Variants in RASAL2 observed in about 807,000 individuals in gnomAD.
The protein encoded by RASAL2 is RAS protein activator like 2.
Under a neutral mutation model 128.9 loss-of-function variants are expected in RASAL2, and 58 were observed. That is an observed-to-expected ratio of 0.45 (90% CI 0.36 to 0.56). The LOEUF is 0.56. Among genes scored for constraint, RASAL2 ranks in the 20% least tolerant of loss-of-function variants. The pLI is 0.00. For missense variants in RASAL2, 1,360 were observed against 1,601.6 expected, an observed-to-expected ratio of 0.85 and a Z score of 2.57; for synonymous variants, 561 against 580.8, an observed-to-expected ratio of 0.97 and a Z score of 0.49.
chr1:178,413,591 G>C (rs74131343), intron 4 of RASAL2, among the ~76,000 whole-genome samples: 5,827 of 152,222 alleles, frequency 0.038, 364 homozygotes, highest in African/African-American at 0.13. Context: ...CAGCTAGCAA[G>C]AAAATAATTA....
At chr1:178,133,259 C>T (rs372885364) in intron 1 of RASAL2, among the ~76,000 whole-genome samples, 6 of 152,258 alleles carry the variant, frequency 3.9e-5, no homozygotes, top group South Asian at 4.1e-4. Context: ...TTTACTCTTA[C>T]GCATTTTGCT....
chr1:178,458,526 G>A lies in RASAL2; in HGVS notation c.3234G>A (p.Gln1078=), dbSNP rs1406242667. The A allele has an allele frequency of 6.2e-7, 1 of 1,611,222 alleles. No individual in the cohort carries two copies. Among genetic ancestry groups the A allele is most frequent in the Non-Finnish European group, 8.5e-7 (1 of 1,178,582 alleles). Residue 1078 remains glutamine (Q), a synonymous_variant, in exon 14 of 18, where the codon CAG becomes CAA. Transcript: ENST00000367649. ...ESPVPKVRAI[Q]RQQTQQVQSP... The stretch of plus-strand genomic sequence containing the variant: ...CTGTTCCCAAAGTTAGAGCAATCCA[G>A]AGACAACAGACACAGCAGGTAGGTG...
At chr1:178,384,064 AC>A (rs1371835584) in intron 3 of RASAL2, among the ~76,000 whole-genome samples, 1 of 152,206 alleles carries the variant, frequency 6.6e-6, no homozygotes, top group Non-Finnish European at 1.5e-5. Flanking sequence ...CTTGTTTCCT[AC>A]CTACAAATAT....
intron 1 of RASAL2, among the ~76,000 whole-genome samples, chr1:178,099,170 T>C (rs747892125): frequency 1.3e-5 from 2 of 152,220 alleles, no homozygotes; most frequent in Admixed American, 6.5e-5. Context: ...TCCCCAAACA[T>C]GTTCATGTTC....
chr1:178,198,190 T>A (rs956462068), intron 1 of RASAL2, among the ~76,000 whole-genome samples: 8 of 152,218 alleles, frequency 5.3e-5, no homozygotes, highest in Non-Finnish European at 8.8e-5. Context: ...AGTAGCATGA[T>A]TTATAATCCT....
At chr1:178,425,599 G>C (rs1165653903) in intron 5 of RASAL2, among the ~76,000 whole-genome samples, 1 of 151,058 alleles carries the variant, frequency 6.6e-6, no homozygotes, top group Non-Finnish European at 1.5e-5. Flanking sequence ...TTTCACTTCT[G>C]TCTGAAAGTG....
rs573624152 is a variant in RASAL2, at chr1:178,461,165, A to T, written c.3252+2621A>T. The stretch of plus-strand genomic sequence containing the variant: ...TGCTTGCTTTGTTCATCTCACTCCC[A>T]TGAAGCCTCTGAAGTTCTATATAAT... On this transcript the variant is annotated intron_variant, in intron 14 of 17. Coordinates refer to ENST00000367649, the MANE Select transcript of RASAL2 (RefSeq NM_170692.4). 7.2e-5 allele frequency among the ~76,000 whole-genome samples: 11 copies of T among 152,232 alleles called. No individual in the cohort carries two copies. In the South Asian group the frequency reaches 2.3e-3, roughly 32 times the overall value.
At chr1:178,275,395 G>T (rs1666454306) in intron 1 of RASAL2, among the ~76,000 whole-genome samples, 1 of 152,192 alleles carries the variant, frequency 6.6e-6, no homozygotes, top group South Asian at 2.1e-4. Flanking sequence ...AAAACTATAT[G>T]ATCTGCTTTG....
intron 1 of RASAL2, among the ~76,000 whole-genome samples, chr1:178,271,152 T>C (rs1220024304): frequency 6.6e-6 from 1 of 152,218 alleles, no homozygotes; most frequent in Non-Finnish European, 1.5e-5. Flanking sequence ...CTCTTCTCCA[T>C]TGAGAGCTAC....
At chr1:178,325,008 T>A (rs1421720591) in intron 3 of RASAL2, among the ~76,000 whole-genome samples, 3 of 152,230 alleles carry the variant, frequency 2.0e-5, no homozygotes, top group Non-Finnish European at 4.4e-5. Context: ...TTGTTCTGGT[T>A]ACTTTTATTT....
chr1:178,202,942 T>C (rs527376642), intron 1 of RASAL2, among the ~76,000 whole-genome samples: 2 of 152,182 alleles, frequency 1.3e-5, no homozygotes, highest in South Asian at 4.1e-4. Flanking sequence ...AAGGCTGACT[T>C]GGCCATGGCC....
chr1:178,329,954 C>T (rs1353870688), intron 3 of RASAL2, among the ~76,000 whole-genome samples: 2 of 152,060 alleles, frequency 1.3e-5, no homozygotes, highest in African/African-American at 4.8e-5. Context: ...CCAGTCCAAA[C>T]TGGGGTAAAA....
intron 1 of RASAL2, among the ~76,000 whole-genome samples, chr1:178,217,282 C>CTTTATT (rs1663453658): frequency 6.6e-6 from 1 of 152,112 alleles, no homozygotes; most frequent in African/African-American, 2.4e-5. Context: ...GCCAAGTAGA[C>CTTTATT]TTTATTTTTT....
chr1:178,306,510 A>C (rs1015091486), intron 3 of RASAL2, among the ~76,000 whole-genome samples: 6 of 152,252 alleles, frequency 3.9e-5, no homozygotes, highest in African/African-American at 1.2e-4. Context: ...TTACAGTCCC[A>C]CCAATAGTGT....
intron 1 of RASAL2, among the ~76,000 whole-genome samples, chr1:178,137,406 T>G (rs1660366525): frequency 6.6e-6 from 1 of 152,202 alleles, no homozygotes; most frequent in Non-Finnish European, 1.5e-5. Flanking sequence ...TTAAGGAAGT[T>G]GGGGATTGAG....
chr1:178,231,840 A>G (rs756585201), intron 1 of RASAL2, among the ~76,000 whole-genome samples: 17 of 152,134 alleles, frequency 1.1e-4, no homozygotes, highest in Non-Finnish European at 2.1e-4. Flanking sequence ...CTCTAATTTG[A>G]TATGTTTTTG....
chr1:178,171,405 G>T (rs139630251), intron 1 of RASAL2, among the ~76,000 whole-genome samples: 3 of 151,978 alleles, frequency 2.0e-5, no homozygotes, highest in African/African-American at 7.2e-5. Flanking sequence ...CCCCACAAAA[G>T]AATAAAAGTA....
chr1:178,114,062 G>GT (rs35864957), intron 1 of RASAL2, among the ~76,000 whole-genome samples: 12,150 of 150,306 alleles, frequency 0.081, 536 homozygotes, highest in Middle Eastern at 0.14. Context: ...TATTTCTAGT[G>GT]TTTTTTTTTG....
At chr1:178,282,242 T>C (rs146500160) in intron 1 of RASAL2, among the ~76,000 whole-genome samples, 32 of 151,780 alleles carry the variant, frequency 2.1e-4, no homozygotes, top group African/African-American at 7.0e-4. Flanking sequence ...TTGGGGGGAG[T>C]TGATAAACCC....
Sources: gnomAD v4.1 joint callset for allele counts (sites outside exome capture counted in the v4.1 genomes callset) on GRCh38, gnomAD v4.1.1 for gene constraint, MANE v1.5 for transcripts, NCBI Gene and HGNC (gene_info 2026-07-23, HGNC 2026-07-21) for gene names.